PCGF5: variants seen among roughly 807,000 people sequenced by gnomAD.
PCGF5 encodes polycomb group ring finger 5.
In PCGF5, 9 loss-of-function variants were observed where a neutral mutation model predicts 44.3. That is an observed-to-expected ratio of 0.20 (90% CI 0.12 to 0.35). The LOEUF (loss-of-function observed/expected upper bound fraction) is 0.35, where lower values mean the gene tolerates loss of function less well. Among genes scored for constraint, PCGF5 ranks in the 10% least tolerant of loss-of-function variants. The pLI, the probability that PCGF5 is intolerant of heterozygous loss-of-function variation, is 1.00. For synonymous variants in PCGF5, 95 were observed against 102.5 expected, an observed-to-expected ratio of 0.93 and a Z score of 0.44; for missense variants, 146 against 305.3, an observed-to-expected ratio of 0.48 and a Z score of 3.89.
upstream of PCGF5, among the ~76,000 whole-genome samples, chr10:91,219,431 A>G (rs898514661): frequency 1.3e-5 from 2 of 152,206 alleles, no homozygotes; most frequent in Non-Finnish European, 2.9e-5. Context: ...AATATCCTCC[A>G]ATGCATATTT....
intron 1 of PCGF5, among the ~76,000 whole-genome samples, chr10:91,196,775 A>G (rs929080188): frequency 2.0e-5 from 3 of 152,182 alleles, no homozygotes; most frequent in South Asian, 2.1e-4. Context: ...AGCCTTGTCT[A>G]TACTTGTTGA....
At chr10:91,247,253 A>T (rs1014286232) in intron 3 of PCGF5, among the ~76,000 whole-genome samples, 1 of 152,118 alleles carries the variant, frequency 6.6e-6, no homozygotes, top group African/African-American at 2.4e-5. Flanking sequence ...ACTGCTGCAG[A>T]GCAATATAGA....
Position 91,264,422 on chromosome 10 carries a change from T to C in PCGF5, c.574-9T>C, listed in dbSNP as rs771027398. 2.1e-5 allele frequency: 33 copies of C among 1,585,026 alleles called. No individual in the cohort carries two copies. Among genetic ancestry groups the C allele is most frequent in the Non-Finnish European group, 2.8e-5 (33 of 1,166,254 alleles). On this transcript the variant is annotated splice_polypyrimidine_tract_variant and intron_variant, in intron 7 of 9. Transcript: ENST00000336126. The stretch of plus-strand genomic sequence containing the variant: ...TATGTTAATAGATCTATAATGATTC[T>C]TTTTAAAGTTGGATGTGCTGTGCAA...
chr10:91,251,845 A>T (rs1358016215), intron 6 of PCGF5, among the ~76,000 whole-genome samples: 1 of 151,992 alleles, frequency 6.6e-6, no homozygotes, highest in Non-Finnish European at 1.5e-5. Context: ...ACTCAACAAG[A>T]TTTCCATGTC....
chr10:91,176,735 G>T (rs1482437203), intron 1 of PCGF5, among the ~76,000 whole-genome samples: 1 of 152,012 alleles, frequency 6.6e-6, no homozygotes, highest in African/African-American at 2.4e-5. Flanking sequence ...CGTAGTTCTT[G>T]TGCCATGGTT....
At chr10:91,198,182 C>T (rs1233082635) in intron 1 of PCGF5, among the ~76,000 whole-genome samples, 1 of 152,232 alleles carries the variant, frequency 6.6e-6, no homozygotes, top group African/African-American at 2.4e-5. Context: ...CTTGGATTTC[C>T]GTCTCTCTAA....
chr10:91,269,898 T>C (rs1477818890), intron 8 of PCGF5, among the ~76,000 whole-genome samples: 1 of 152,202 alleles, frequency 6.6e-6, no homozygotes, highest in East Asian at 1.9e-4. Flanking sequence ...AATCTTTTGC[T>C]GTTATGTGTT....
chr10:91,178,963 T>C (rs1843767217), intron 1 of PCGF5, among the ~76,000 whole-genome samples: 1 of 152,194 alleles, frequency 6.6e-6, no homozygotes, highest in Admixed American at 6.5e-5. Context: ...GGGGGAGCTT[T>C]TAGAAAATTC....
At chr10:91,240,621 A>G in intron 3 of PCGF5, 41 bp downstream of exon 3, 1 of 1,304,754 alleles carries the variant, frequency 7.7e-7, no homozygotes, top group Non-Finnish European at 1.1e-6. Context: ...ATTTACATAA[A>G]TTGAATAGGC....
intron 1 of PCGF5, among the ~76,000 whole-genome samples, chr10:91,174,373 G>A (rs929375853): frequency 9.9e-5 from 15 of 152,144 alleles, no homozygotes; most frequent in African/African-American, 2.9e-4. Context: ...CAGGTGTGGC[G>A]GTGCATGCCT....
At position 91,283,042 on chromosome 10, in the gene PCGF5, A is replaced by G. The variant is rs531706435; in HGVS notation, c.*4726A>G. On this transcript the variant is annotated 3_prime_UTR_variant, in exon 10 of 10. Coordinates refer to ENST00000336126, the MANE Select transcript of PCGF5 (RefSeq NM_032373.5). ...ACAATAACTGTTCTGGATTTACCTG[A>G]CAAACCTAGTTGAGTAGCATTTTGA... 1 of 152,340 alleles carries G rather than the reference A, an allele frequency of 6.6e-6. No homozygotes were observed. Among genetic ancestry groups the G allele is most frequent in the South Asian group, 2.1e-4 (1 of 4,824 alleles). 9.4% of individuals were successfully genotyped at this position (152,340 alleles called of 1,614,324 possible). A position where few individuals can be genotyped will look rare whatever the true frequency, so the allele number is the denominator to read the frequency against.
intron 6 of PCGF5, among the ~76,000 whole-genome samples, chr10:91,253,562 G>T (rs952328479): frequency 6.6e-6 from 1 of 152,014 alleles, no homozygotes; most frequent in African/African-American, 2.4e-5. Context: ...TTTTAGTTAT[G>T]ACTGCTGTCT....
At chr10:91,276,051 T>C (rs1846305064) in intron 9 of PCGF5, among the ~76,000 whole-genome samples, 2 of 150,832 alleles carry the variant, frequency 1.3e-5, no homozygotes, top group Admixed American at 6.6e-5. Context: ...AATTGCTAAA[T>C]AGATAAAAAA....
chr10:91,208,378 C>G (rs1449412293), intron 1 of PCGF5, among the ~76,000 whole-genome samples: 5 of 152,120 alleles, frequency 3.3e-5, no homozygotes, highest in African/African-American at 1.2e-4. Context: ...GAGAGAAATA[C>G]CTAATCCGGG....
At chr10:91,226,289 T>A (rs376913737) in intron 2 of PCGF5, among the ~76,000 whole-genome samples, 26 of 75,132 alleles carry the variant, frequency 3.5e-4, no homozygotes, top group Admixed American at 5.3e-4. Flanking sequence ...TTAAGAAATG[T>A]AAAAAAAAAA....
intron 2 of PCGF5, among the ~76,000 whole-genome samples, chr10:91,238,611 T>C (rs1245750353): frequency 6.1e-5 from 8 of 130,588 alleles, no homozygotes; most frequent in Non-Finnish European, 9.8e-5. Context: ...CTTTTTTTTT[T>C]TTTTTTTTTT....
intron 1 of PCGF5, among the ~76,000 whole-genome samples, chr10:91,213,393 A>G (rs1253210756): frequency 2.0e-5 from 3 of 152,188 alleles, no homozygotes; most frequent in Non-Finnish European, 2.9e-5. Flanking sequence ...AAGTAGCACA[A>G]ATTAGTTCTG....
chr10:91,256,438 A>G (rs1845755149), intron 6 of PCGF5, among the ~76,000 whole-genome samples: 1 of 152,076 alleles, frequency 6.6e-6, no homozygotes, highest in African/African-American at 2.4e-5. Context: ...AGGTCCTCAG[A>G]GAGCTGTAGA....
chr10:91,206,797 G>A (rs1042468166), intron 1 of PCGF5, among the ~76,000 whole-genome samples: 1 of 152,094 alleles, frequency 6.6e-6, no homozygotes, highest in African/African-American at 2.4e-5. Context: ...TGTATTCTCT[G>A]CCTGGTACGC....
Sources: allele counts gnomAD v4.1 joint callset (sites outside exome capture counted in the v4.1 genomes callset), GRCh38; gene constraint gnomAD v4.1.1; transcripts MANE v1.5; gene names NCBI Gene and HGNC (gene_info 2026-07-23, HGNC 2026-07-21).